NRXN1: variants seen among roughly 807,000 people sequenced by gnomAD.
The protein encoded by NRXN1 is neurexin 1, also known as neurexin-1.
A neutral mutation model predicts 150.9 loss-of-function variants in NRXN1; 39 were observed. The observed-to-expected ratio is 0.26, with a 90% CI of 0.20 to 0.34. The LOEUF (loss-of-function observed/expected upper bound fraction) is 0.34, where lower values mean the gene tolerates loss of function less well. Ranked by LOEUF, NRXN1 falls within the 10% of genes least tolerant of loss-of-function variation. The pLI, the probability that NRXN1 is intolerant of heterozygous loss-of-function variation, is 1.00. For synonymous variants in NRXN1, 924 were observed against 757.0 expected (o/e 1.22, Z -3.62); for missense variants, 1,815 against 1,949.9 (o/e 0.93, Z 1.30).
intron 5 of NRXN1, among the ~76,000 whole-genome samples, chr2:50,781,905 T>A (rs1017142386): frequency 1.3e-5 from 2 of 152,184 alleles, no homozygotes; most frequent in Non-Finnish European, 2.9e-5. Context: ...ATTAACTCCA[T>A]CCTCACAGAA....
At chr2:50,012,006 T>G (rs909973392) in intron 21 of NRXN1, among the ~76,000 whole-genome samples, 2 of 152,100 alleles carry the variant, frequency 1.3e-5, no homozygotes, top group Admixed American at 1.3e-4. Flanking sequence ...ACATTATGGA[T>G]GTAAGGCAAA....
At chr2:50,482,520 G>A in intron 15 of NRXN1, among the ~76,000 whole-genome samples, 1 of 152,062 alleles carries the variant, frequency 6.6e-6, no homozygotes, top group Non-Finnish European at 1.5e-5. Context: ...TACTTACTGT[G>A]TAATGCTCTC....
At chr2:50,289,985 T>C (rs1281326707) in intron 17 of NRXN1, among the ~76,000 whole-genome samples, 8 of 152,126 alleles carry the variant, frequency 5.3e-5, no homozygotes, top group African/African-American at 1.9e-4. Flanking sequence ...TAAGAAACAA[T>C]TAGAAATTAA....
At chr2:50,299,385 A>G (rs1271997283) in intron 17 of NRXN1, among the ~76,000 whole-genome samples, 1 of 151,562 alleles carries the variant, frequency 6.6e-6, no homozygotes, top group Non-Finnish European at 1.5e-5. Context: ...TGCTAAAGAT[A>G]GTGCTATATC....
chr2:50,589,892 A>G (rs1307152938), intron 8 of NRXN1, among the ~76,000 whole-genome samples: 1 of 152,214 alleles, frequency 6.6e-6, no homozygotes, highest in African/African-American at 2.4e-5. Flanking sequence ...GTGCACCCTC[A>G]TTAGACTGTA....
chr2:50,994,303 T>G (rs751863347), intron 2 of NRXN1, among the ~76,000 whole-genome samples: 1 of 151,982 alleles, frequency 6.6e-6, no homozygotes, highest in Non-Finnish European at 1.5e-5. Context: ...CAAGGCTACA[T>G]TTCCATTATA....
At chr2:50,861,265 T>C (rs1676094517) in intron 5 of NRXN1, among the ~76,000 whole-genome samples, 1 of 151,986 alleles carries the variant, frequency 6.6e-6, no homozygotes, top group Non-Finnish European at 1.5e-5. Flanking sequence ...CAACCTGGAG[T>C]GCAGTGAGAT....
chr2:49,919,225 A>G lies in NRXN1; in HGVS notation c.*2719T>C, dbSNP rs771756701. 2.0e-5 allele frequency: 3 copies of G among 152,134 alleles called. No individual in the cohort carries two copies. The highest frequency in any genetic ancestry group is 4.4e-5 in the Non-Finnish European group (3 of 67,982). The allele number at this position is 152,134 out of a possible 1,614,324, so 9.4% of individuals were successfully genotyped here. On this transcript the variant is annotated 3_prime_UTR_variant, in exon 23 of 23. Transcript: ENST00000401669. ...TGCAAACTATGCAGGGAACCCTGAT[A>G]TGTTTGGTATGAAGATACTTGGGAT...
At chr2:50,804,984 T>C (rs1275233766) in intron 5 of NRXN1, among the ~76,000 whole-genome samples, 2 of 152,206 alleles carry the variant, frequency 1.3e-5, no homozygotes, top group East Asian at 3.9e-4. Flanking sequence ...AGCCAGGCTC[T>C]TGGCTGCATC....
chr2:50,037,227 A>T (rs910235771), intron 21 of NRXN1, among the ~76,000 whole-genome samples: 11 of 152,054 alleles, frequency 7.2e-5, no homozygotes, highest in Non-Finnish European at 1.5e-4. Context: ...TAAAATTTTT[A>T]TCTCCTTTGT....
At position 50,405,290 on chromosome 2, in the gene NRXN1, AC is replaced by A. The variant is rs796889901; in HGVS notation, c.3364+60151del. Reference sequence around the variant, plus strand: ...CAGGCTCAACACATGAGCCTACCAAACACGGCAAATAAAAATTTGTTCAAGA... The same window carrying A: ...CAGGCTCAACACATGAGCCTACCAAAACGGCAAATAAAAATTTGTTCAAGA... On this transcript the variant is annotated intron_variant, in intron 17 of 22. Transcript: ENST00000401669. Among the ~76,000 whole-genome samples the A allele has an allele frequency of 2.6e-5, 4 of 152,242 alleles. 1 individual carries two copies. Among genetic ancestry groups the A allele is most frequent in the African/African-American group, 9.6e-5 (4 of 41,560 alleles).
intron 19 of NRXN1, among the ~76,000 whole-genome samples, chr2:50,063,604 A>T (rs1183533160): frequency 6.7e-6 from 1 of 149,694 alleles, no homozygotes; most frequent in Non-Finnish European, 1.5e-5. Flanking sequence ...GGCTGGCTAA[A>T]TTTTTTCTTT....
At chr2:50,816,604 G>A (rs1003373531) in intron 5 of NRXN1, among the ~76,000 whole-genome samples, 5 of 152,090 alleles carry the variant, frequency 3.3e-5, no homozygotes, top group African/African-American at 1.2e-4. Flanking sequence ...CTGATTGTTT[G>A]GTTCATGAGG....
intron 21 of NRXN1, among the ~76,000 whole-genome samples, chr2:50,010,913 A>C (rs1041581924): frequency 6.6e-6 from 1 of 152,174 alleles, no homozygotes; most frequent in African/African-American, 2.4e-5. Context: ...TGAAACATTA[A>C]TGACATAAAA....
chr2:50,866,720 C>A (rs1676990095), intron 5 of NRXN1, among the ~76,000 whole-genome samples: 1 of 151,724 alleles, frequency 6.6e-6, no homozygotes, highest in Non-Finnish European at 1.5e-5. Context: ...AAAGAAAGGA[C>A]AAAAAAATTG....
chr2:50,448,852 T>C (rs1233250748), intron 17 of NRXN1, among the ~76,000 whole-genome samples: 1 of 151,932 alleles, frequency 6.6e-6, no homozygotes, highest in African/African-American at 2.4e-5. Context: ...ATAGAGCAAT[T>C]CTAACACTAA....
At chr2:50,983,374 G>A (rs1465697022) in intron 2 of NRXN1, among the ~76,000 whole-genome samples, 1 of 152,100 alleles carries the variant, frequency 6.6e-6, no homozygotes, top group Non-Finnish European at 1.5e-5. Flanking sequence ...CAGGCTCAAA[G>A]AGAGAGTGTT....
chr2:50,497,387 A>G lies in NRXN1; in HGVS notation c.2825T>C (p.Ile942Thr). The G allele has an allele frequency of 6.3e-7, 1 of 1,585,300 alleles. No homozygotes were observed. Among genetic ancestry groups the G allele is most frequent in the Non-Finnish European group, 8.6e-7 (1 of 1,164,674 alleles). Reference protein sequence around the residue: ...QFKTTSLDGLILYNSGDGNDF... With the variant: ...QFKTTSLDGLTLYNSGDGNDF... ...ATTTCCATCCCCACTGTTATATAGA[A>G]TTAATCCATCTAGGGATGTTGTCTT... The change falls in exon 14 of 23, where the codon ATT becomes ACT. Residue 942 changes from isoleucine to threonine, a missense_variant. This residue lies in a region of NRXN1 where 339 missense variants were observed against 440.3 expected (regional missense o/e 0.77). Transcript: ENST00000401669.
chr2:50,246,377 T>C (rs2066505056), intron 17 of NRXN1, among the ~76,000 whole-genome samples: 1 of 152,092 alleles, frequency 6.6e-6, no homozygotes, highest in Non-Finnish European at 1.5e-5. Flanking sequence ...TAGGTATTTA[T>C]TTTGAATTAT....
Sources: gnomAD v4.1 joint callset for allele counts (sites outside exome capture counted in the v4.1 genomes callset) on GRCh38, gnomAD v4.1.1 for gene constraint, gnomAD v4.1.1 regional missense constraint, MANE v1.5 for transcripts, NCBI Gene and HGNC (gene_info 2026-07-23, HGNC 2026-07-21) for gene names.